The following C16orf78 variants were observed in gnomAD, a reference collection of about 807,000 sequenced individuals.
C16orf78 encodes chromosome 16 open reading frame 78, also known as uncharacterized protein C16orf78.
C16orf78 carries 19 observed loss-of-function variants against 27.3 expected under a neutral mutation model. The observed-to-expected ratio is 0.70, with a 90% CI of 0.49 to 1.02. C16orf78 has a LOEUF of 1.02. Ranked by LOEUF, C16orf78 falls within the 50% of genes least tolerant of loss-of-function variation. C16orf78 has a pLI of 0.00. For synonymous variants in C16orf78, 130 were observed against 116.1 expected (o/e 1.12, Z -0.77); for missense variants, 339 against 337.0 (o/e 1.01, Z -0.05).
chr16:49,398,914 G>A (rs1397998255), intron 4 of C16orf78, among the ~76,000 whole-genome samples: 1 of 152,138 alleles, frequency 6.6e-6, no homozygotes, highest in Non-Finnish European at 1.5e-5. Context: ...GGAGTCAACC[G>A]ACTGCCAAAA....
chr16:49,374,225 C>T, intron 1 of C16orf78, 136 bp downstream of exon 1: 1 of 1,043,064 alleles, frequency 9.6e-7, no homozygotes. Context: ...GTGAGAACTA[C>T]CCAAGGACAT....
intron 3 of C16orf78, among the ~76,000 whole-genome samples, chr16:49,387,480 T>C (rs1965365363): frequency 6.6e-6 from 1 of 152,238 alleles, no homozygotes; most frequent in African/African-American, 2.4e-5. Context: ...TTTGCATTAA[T>C]GTTCAAGGAA....
At chr16:49,384,135 G>A (rs1005925041) in intron 3 of C16orf78, among the ~76,000 whole-genome samples, 14 of 152,256 alleles carry the variant, frequency 9.2e-5, no homozygotes, top group South Asian at 2.1e-4. Context: ...GATCACCTGA[G>A]GTAGGGAGTT....
At chr16:49,375,160 G>C (rs1290262041) in intron 1 of C16orf78, among the ~76,000 whole-genome samples, 1 of 152,140 alleles carries the variant, frequency 6.6e-6, no homozygotes, top group Non-Finnish European at 1.5e-5. Context: ...AAAGGGCAGA[G>C]CCAGGGCTCA....
In C16orf78 at chr16:49,399,241, A is replaced by C; in HGVS notation, c.761A>C (p.Lys254Thr). The C allele has an allele frequency of 6.2e-7, 1 of 1,614,148 alleles. No homozygotes were observed. The highest frequency in any genetic ancestry group is 1.7e-5 in the Admixed American group (1 of 60,016). ...ATGGTCGAAGAGGACATAGATGCTA[A>C]AAAGGTGTTCACCGGAATACCCAGC... ...PHMVEEDIDA[K>T]KVFTGIPSMA... The change falls in exon 5 of 5, where the codon AAA (lysine) becomes ACA (threonine). Residue 254 changes from lysine (K) to threonine (T), a missense_variant. Physicochemically the swap from Lys to Thr is moderately conservative, Grantham distance 78. Coordinates refer to ENST00000299191, the MANE Select transcript of C16orf78 (RefSeq NM_144602.4).
intron 3 of C16orf78, among the ~76,000 whole-genome samples, chr16:49,393,174 A>T (rs558492479): frequency 5.9e-5 from 9 of 152,268 alleles, no homozygotes; most frequent in African/African-American, 2.2e-4. Context: ...TAGTAACCCG[A>T]TACATAGCCT....
chr16:49,382,817 C>T (rs920707702), intron 3 of C16orf78, among the ~76,000 whole-genome samples: 1 of 152,176 alleles, frequency 6.6e-6, no homozygotes, highest in Non-Finnish European at 1.5e-5. Flanking sequence ...TTTCCTCCCT[C>T]GTCTTCCTTC....
intron 3 of C16orf78, among the ~76,000 whole-genome samples, chr16:49,386,268 A>G (rs1965349851): frequency 6.6e-6 from 1 of 152,240 alleles, no homozygotes; most frequent in Non-Finnish European, 1.5e-5. Context: ...GGACTTTAAC[A>G]CTTCACTCTC....
chr16:49,387,461 T>A (rs759355544), intron 3 of C16orf78, among the ~76,000 whole-genome samples: 7 of 152,248 alleles, frequency 4.6e-5, no homozygotes, highest in South Asian at 2.1e-4. Flanking sequence ...CAGCATTTTG[T>A]TGAGGCTTTT....
At chr16:49,382,974 T>C (rs1456707682) in intron 3 of C16orf78, among the ~76,000 whole-genome samples, 3 of 152,244 alleles carry the variant, frequency 2.0e-5, no homozygotes, top group Non-Finnish European at 4.4e-5. Context: ...AATAATTATT[T>C]ACATCTCACT....
At chr16:49,394,265 G>A (rs1288192424) in intron 3 of C16orf78, among the ~76,000 whole-genome samples, 1 of 151,778 alleles carries the variant, frequency 6.6e-6, no homozygotes, top group African/African-American at 2.4e-5. Context: ...CAAAAAAGTT[G>A]GCCAATAATA....
At chr16:49,388,847 T>C (rs152658) in intron 3 of C16orf78, among the ~76,000 whole-genome samples, 46,545 of 152,070 alleles carry the variant, frequency 0.31, 10,188 homozygotes, top group African/African-American at 0.62. Flanking sequence ...TTGGTCTTGA[T>C]TTCTAATTTT....
intron 1 of C16orf78, among the ~76,000 whole-genome samples, 172 bp downstream of exon 1, chr16:49,374,261 A>T (rs145382803): frequency 6.4e-4 from 98 of 152,340 alleles, no homozygotes; most frequent in African/African-American, 2.3e-3. Context: ...ATTAGTTAAT[A>T]TGATTAGGCT....
rs187279566 is a variant in C16orf78 at position 49,376,426 on chromosome 16, T to C, written c.151-1305T>C. Among the ~76,000 whole-genome samples the C allele has an allele frequency of 7.0e-4, 106 of 152,280 alleles. 2 individuals are homozygous for C. Among genetic ancestry groups the C allele is most frequent in the African/African-American group, 2.4e-3 (101 of 41,568 alleles). ...GTGGGGAGCTACTCAGGTGACTCTT[T>C]GAGGGAGGCTGAGGATTGAGTGGGG... On this transcript the variant is annotated intron_variant, in intron 1 of 4. Coordinates refer to ENST00000299191, the MANE Select transcript of C16orf78 (RefSeq NM_144602.4).
At chr16:49,377,261 G>A (rs1372745515) in intron 1 of C16orf78, among the ~76,000 whole-genome samples, 1 of 152,214 alleles carries the variant, frequency 6.6e-6, no homozygotes, top group Non-Finnish European at 1.5e-5. Context: ...ACAGGATGGG[G>A]TGGGCCTGGG....
chr16:49,379,088 AG>A (rs1445674412), intron 3 of C16orf78, among the ~76,000 whole-genome samples: 1 of 152,108 alleles, frequency 6.6e-6, no homozygotes, highest in Non-Finnish European at 1.5e-5. Context: ...CCACTTTATA[AG>A]GAGCTCAGAG....
chr16:49,394,880 G>A (rs1965452634), intron 3 of C16orf78, among the ~76,000 whole-genome samples: 1 of 151,964 alleles, frequency 6.6e-6, no homozygotes. Flanking sequence ...TTGTTTGTTT[G>A]TTTTTGAGAC....
intron 3 of C16orf78, among the ~76,000 whole-genome samples, chr16:49,385,974 T>A (rs1965345515): frequency 6.6e-6 from 1 of 152,178 alleles, no homozygotes; most frequent in Non-Finnish European, 1.5e-5. Flanking sequence ...CATGAGAGAC[T>A]CACTTTAGCT....
At chr16:49,387,854 T>C (rs1389314855) in intron 3 of C16orf78, among the ~76,000 whole-genome samples, 1 of 152,244 alleles carries the variant, frequency 6.6e-6, no homozygotes, top group Non-Finnish European at 1.5e-5. Context: ...GTTTTCATAA[T>C]ATTCTCTGAT....
Sources: gnomAD v4.1 joint callset for allele counts (sites outside exome capture counted in the v4.1 genomes callset) on GRCh38, gnomAD v4.1.1 for gene constraint, MANE v1.5 for transcripts, NCBI Gene and HGNC (gene_info 2026-07-23, HGNC 2026-07-21) for gene names.